CAMKMT: variants seen among roughly 807,000 people sequenced by gnomAD.
CAMKMT encodes calmodulin-lysine N-methyltransferase.
In CAMKMT, 53 loss-of-function variants were observed where a neutral mutation model predicts 48.0. The observed-to-expected ratio is 1.10, with a 90% CI of 0.89 to 1.39. The LOEUF (loss-of-function observed/expected upper bound fraction) is 1.39, where lower values mean the gene tolerates loss of function less well. CAMKMT is among the 40% of genes most tolerant of loss of function. CAMKMT has a pLI of 0.00. For missense variants in CAMKMT, 428 were observed against 402.7 expected, an observed-to-expected ratio of 1.06 and a Z score of -0.54; for synonymous variants, 165 against 152.3, an observed-to-expected ratio of 1.08 and a Z score of -0.61.
At chr2:44,415,363 T>C (rs906166814) in intron 3 of CAMKMT, among the ~76,000 whole-genome samples, 1 of 152,234 alleles carries the variant, frequency 6.6e-6, no homozygotes, top group Non-Finnish European at 1.5e-5. Context: ...GAGGATAATT[T>C]TGTTTGCTTT....
chr2:44,521,834 A>G (rs533733201), intron 3 of CAMKMT, among the ~76,000 whole-genome samples: 1 of 149,722 alleles, frequency 6.7e-6, no homozygotes, highest in South Asian at 2.2e-4. Context: ...CAGCCTGGGC[A>G]ATAGAGCAAG....
At chr2:44,397,959 A>G (rs1682010349) in intron 3 of CAMKMT, among the ~76,000 whole-genome samples, 1 of 152,204 alleles carries the variant, frequency 6.6e-6, no homozygotes, top group Non-Finnish European at 1.5e-5. Flanking sequence ...ATCTAAAGGG[A>G]TGTTTCTAAT....
At chr2:44,609,597 T>C (rs1438604940) in intron 3 of CAMKMT, among the ~76,000 whole-genome samples, 1 of 152,200 alleles carries the variant, frequency 6.6e-6, no homozygotes, top group Non-Finnish European at 1.5e-5. Context: ...CAAAAGTGAC[T>C]CCTAATGTGG....
chr2:44,740,192 G>C (rs1008189749), intron 7 of CAMKMT, among the ~76,000 whole-genome samples: 16 of 147,424 alleles, frequency 1.1e-4, no homozygotes, highest in Non-Finnish European at 2.2e-4. Context: ...GCAGTGGCTA[G>C]ATCATGGCTC....
chr2:44,363,688 CTTT>C (rs577698393), intron 1 of CAMKMT, among the ~76,000 whole-genome samples: 3 of 127,788 alleles, frequency 2.3e-5, no homozygotes, highest in Non-Finnish European at 1.7e-5. Context: ...CAACCCCCTT[CTTT>C]TTTTTTTTTT....
chr2:44,566,788 G>A (rs72881170), intron 3 of CAMKMT, among the ~76,000 whole-genome samples: 6,786 of 152,228 alleles, frequency 0.045, 460 homozygotes, highest in African/African-American at 0.15. Flanking sequence ...GTAAGTTAAA[G>A]GATGCTTTTA....
chr2:44,444,267 G>A (rs546688251), intron 3 of CAMKMT, among the ~76,000 whole-genome samples: 7 of 152,200 alleles, frequency 4.6e-5, no homozygotes, highest in African/African-American at 1.2e-4. Flanking sequence ...TTTTTGAGGC[G>A]ACAGAAATGA....
intron 3 of CAMKMT, among the ~76,000 whole-genome samples, chr2:44,528,556 A>T (rs189213058): frequency 6.6e-6 from 1 of 152,334 alleles, no homozygotes; most frequent in Non-Finnish European, 1.5e-5. Flanking sequence ...AATACTGCTA[A>T]TTCCTTAATA....
At chr2:44,584,015 A>G (rs1669714135) in intron 3 of CAMKMT, among the ~76,000 whole-genome samples, 1 of 152,138 alleles carries the variant, frequency 6.6e-6, no homozygotes, top group African/African-American at 2.4e-5. Context: ...TATTTACATG[A>G]CCCAGAAAGC....
chr2:44,516,874 A>G (rs1572695975), intron 3 of CAMKMT, among the ~76,000 whole-genome samples: 1 of 151,236 alleles, frequency 6.6e-6, no homozygotes, highest in African/African-American at 2.4e-5. Flanking sequence ...CCCGAGTAGC[A>G]GGGATTACAG....
chr2:44,446,590 C>G (rs2104578534), intron 3 of CAMKMT, among the ~76,000 whole-genome samples: 2 of 152,298 alleles, frequency 1.3e-5, no homozygotes, highest in East Asian at 3.9e-4. Context: ...AAGTGATCCA[C>G]CCACCTCTGC....
At chr2:44,528,915 A>G (rs961100043) in intron 3 of CAMKMT, among the ~76,000 whole-genome samples, 2 of 152,032 alleles carry the variant, frequency 1.3e-5, no homozygotes, top group African/African-American at 2.4e-5. Flanking sequence ...GGTACACTGC[A>G]TTTTAATTTC....
intron 3 of CAMKMT, among the ~76,000 whole-genome samples, chr2:44,644,313 T>G (rs1673613286): frequency 6.6e-6 from 1 of 152,232 alleles, no homozygotes; most frequent in Non-Finnish European, 1.5e-5. Flanking sequence ...TTTTATGCCA[T>G]GCTTGGAAAT....
chr2:44,398,390 C>A (rs1308684323), intron 3 of CAMKMT, among the ~76,000 whole-genome samples: 1 of 152,100 alleles, frequency 6.6e-6, no homozygotes, highest in Non-Finnish European at 1.5e-5. Flanking sequence ...TCAGAGGAGA[C>A]TGATTAAAGG....
rs2104067723 is a variant in CAMKMT at position 44,657,909 on chromosome 2, ATG to A, written c.377-46372_377-46371del. The stretch of plus-strand genomic sequence containing the variant: ...GGTGTTCATTTCAAAATTCATATAA[ATG>A]TCTCATTTTCCTCCATACTCTGTTT... On this transcript the variant is annotated intron_variant, in intron 3 of 10. Coordinates refer to ENST00000378494, the MANE Select transcript of CAMKMT (RefSeq NM_024766.5). This position sits in a 1 kb window ranked among gnomAD's most constrained non-coding sequence, Gnocchi z 4.3. 6.6e-6 allele frequency among the ~76,000 whole-genome samples: 1 copy of A among 152,284 alleles called. No homozygotes were observed. The highest frequency in any genetic ancestry group is 2.1e-4 in the South Asian group (1 of 4,826).
chr2:44,442,710 G>A (rs1256450073), intron 3 of CAMKMT, among the ~76,000 whole-genome samples: 4 of 152,154 alleles, frequency 2.6e-5, no homozygotes, highest in Admixed American at 1.3e-4. Flanking sequence ...CAGGCCAGTG[G>A]TTCTATCCCT....
intron 3 of CAMKMT, chr2:44,456,806 T>C (rs1420303800): frequency 1.1e-5 from 6 of 527,266 alleles, no homozygotes; most frequent in Non-Finnish European, 1.9e-5. Flanking sequence ...ATTTTCCTAT[T>C]TTACGATTTC....
At chr2:44,620,635 A>C (rs1672129857) in intron 3 of CAMKMT, among the ~76,000 whole-genome samples, 1 of 152,264 alleles carries the variant, frequency 6.6e-6, no homozygotes, top group Admixed American at 6.5e-5. Context: ...CAGGCATCAT[A>C]GATGACTTGA....
At chr2:44,482,236 G>C (rs771292036) in intron 3 of CAMKMT, among the ~76,000 whole-genome samples, 2 of 152,056 alleles carry the variant, frequency 1.3e-5, no homozygotes, top group Admixed American at 6.5e-5. Context: ...GTAGTAAATG[G>C]AATTTTTCAC....
Sources: allele counts gnomAD v4.1 joint callset (sites outside exome capture counted in the v4.1 genomes callset), GRCh38; gene constraint gnomAD v4.1.1; non-coding constraint Gnocchi (gnomAD v3.1); transcripts MANE v1.5; gene names NCBI Gene and HGNC (gene_info 2026-07-23, HGNC 2026-07-21).